Variants in SELP observed in about 807,000 individuals in gnomAD.
SELP encodes the protein P-selectin.
A neutral mutation model predicts 104.1 loss-of-function variants in SELP; 92 were observed. The ratio of observed to expected loss-of-function variants is 0.88; its 90% CI spans 0.75 to 1.05. SELP has a LOEUF of 1.05. Ranked by LOEUF, SELP falls within the 50% of genes least tolerant of loss-of-function variation. SELP has a pLI of 0.00. For missense variants in SELP, 1,022 were observed against 1,017.3 expected (o/e 1.00, Z -0.06); for synonymous variants, 397 against 364.5 (o/e 1.09, Z -1.01).
At chr1:169,613,806 A>G in intron 3 of SELP, 113 bp from the exon 4 acceptor site, 1 of 815,224 alleles carries the variant, frequency 1.2e-6, no homozygotes, top group African/African-American at 1.7e-5. Flanking sequence ...AGCTAGCCAG[A>G]CAAGAGGGAA....
chr1:169,599,793 G>A (rs925043554), intron 10 of SELP, among the ~76,000 whole-genome samples: 1 of 152,084 alleles, frequency 6.6e-6, no homozygotes, highest in Non-Finnish European at 1.5e-5. Context: ...AGTTTTAGGG[G>A]GCACCAGTTC....
chr1:169,613,344 T>C (rs13306841), intron 4 of SELP, among the ~76,000 whole-genome samples: 1 of 152,234 alleles, frequency 6.6e-6, no homozygotes, highest in East Asian at 1.9e-4. Context: ...AAAGTTCTGT[T>C]GGTTTTGCTT....
chr1:169,619,329 C>A, intron 1 of SELP, 110 bp from the exon 2 acceptor site: 1 of 796,872 alleles, frequency 1.3e-6, no homozygotes, highest in Non-Finnish European at 2.0e-6. Flanking sequence ...CCAATTTCCA[C>A]TGGAAGAGTG....
At chr1:169,602,179 A>C (rs1210376516) in intron 10 of SELP, among the ~76,000 whole-genome samples, 1 of 152,190 alleles carries the variant, frequency 6.6e-6, no homozygotes, top group Non-Finnish European at 1.5e-5. Flanking sequence ...TGTCACACAC[A>C]CCCATTTTTA....
At chr1:169,628,720 T>G (rs977519091) in intron 1 of SELP, among the ~76,000 whole-genome samples, 1 of 152,178 alleles carries the variant, frequency 6.6e-6, no homozygotes, top group African/African-American at 2.4e-5. Context: ...GTTCATACCT[T>G]TGAAATAGAG....
rs1661999501 is a variant in SELP, at chr1:169,603,173, T to C, written c.1558A>G (p.Thr520Ala). 1.2e-6 allele frequency: 2 copies of C among 1,613,954 alleles called. No individual in the cohort carries two copies. Among genetic ancestry groups the C allele is most frequent in the African/African-American group, 1.3e-5 (1 of 74,904 alleles). ...CCAAGAGGTTGAACACAGGTCATTGTTCCATTCTGAGGGCTTAGCAAAGGT... is the reference window on the plus strand; with the variant it reads ...CCAAGAGGTTGAACACAGGTCATTGCTCCATTCTGAGGGCTTAGCAAAGGT... ...CTPLLSPQNG[T>A]MTCVQPLGSS... The change falls in exon 10 of 17, where the codon ACA becomes GCA. Residue 520 changes from threonine (T) to alanine (A), a missense_variant. Physicochemically the swap from Thr to Ala is moderately conservative, Grantham distance 58 (BLOSUM62 0). Transcript: ENST00000263686.
chr1:169,594,782 G>A lies in SELP; in HGVS notation c.2197C>T (p.His733Tyr), dbSNP rs1661518129. The A allele has an allele frequency of 6.2e-7, 1 of 1,613,824 alleles. No individual in the cohort carries two copies. The highest frequency in any genetic ancestry group is 8.5e-7 in the Non-Finnish European group (1 of 1,179,822). The change falls in exon 13 of 17, where the codon CAT becomes TAT. Residue 733 changes from histidine (H) to tyrosine (Y), a missense_variant. By Grantham distance (83) the His-to-Tyr change is moderately conservative (BLOSUM62 2). Transcript: ENST00000263686. Reference protein sequence around the residue: ...NFSYGSICSFHCLEGQLLNGS... With the variant: ...NFSYGSICSFYCLEGQLLNGS... ...TTAAGTAACTGGCCCTCTAGACAAT[G>A]GAAAGAGCAGATTGATCCATAACTG...
intron 1 of SELP, among the ~76,000 whole-genome samples, chr1:169,628,859 T>C (rs1359458131): frequency 6.6e-6 from 1 of 152,196 alleles, no homozygotes; most frequent in Non-Finnish European, 1.5e-5. Context: ...GGTTCAAACT[T>C]AAGACAGGCT....
intron 1 of SELP, among the ~76,000 whole-genome samples, chr1:169,625,304 T>G (rs537336006): frequency 9.8e-5 from 15 of 152,374 alleles, no homozygotes; most frequent in Admixed American, 8.5e-4. Context: ...GAAACTTTTC[T>G]GAGTCTTCTT....
intron 3 of SELP, among the ~76,000 whole-genome samples, chr1:169,615,718 C>T (rs1420299733): frequency 6.6e-6 from 1 of 152,024 alleles, no homozygotes; most frequent in Non-Finnish European, 1.5e-5. Context: ...TATATAAATG[C>T]ATTATTTATA....
At chr1:169,618,199 A>G (rs1291546733) in intron 2 of SELP, among the ~76,000 whole-genome samples, 2 of 152,186 alleles carry the variant, frequency 1.3e-5, no homozygotes, top group Non-Finnish European at 2.9e-5. Flanking sequence ...GCCTTCAATA[A>G]ATACTTGTTG....
chr1:169,605,486 T>TG lies in SELP; in HGVS notation c.1519+1462dup, dbSNP rs1174461876. Among the ~76,000 whole-genome samples the TG allele has an allele frequency of 4.7e-5, 7 of 148,428 alleles. 1 individual carries two copies. The highest frequency in any genetic ancestry group is 4.1e-4 in the East Asian group (2 of 4,822). ...CTAGCTTAACAATGGGGTGTGTGTG[T>TG]GGGGGGTGTGTGTGTGTGTATGTGA... On this transcript the variant is annotated intron_variant, in intron 9 of 16. Coordinates refer to ENST00000263686, the MANE Select transcript of SELP (RefSeq NM_003005.4).
chr1:169,619,097 A>G, intron 2 of SELP, 32 bp downstream of exon 2: 1 of 1,541,600 alleles, frequency 6.5e-7, no homozygotes, highest in East Asian at 2.2e-5. Context: ...CTAATTACTT[A>G]GGCCTAAGTG....
At position 169,594,997 on chromosome 1, in the gene SELP, A is replaced by G. The variant is rs1441242200; in HGVS notation, c.2102-120T>C. 3 of 804,464 alleles carry G rather than the reference A, an allele frequency of 3.7e-6. No individual in the cohort carries two copies. The African/African-American group carries it at 5.3e-5, about 14-fold the overall frequency. 49.8% of individuals were successfully genotyped at this position (804,464 alleles called of 1,614,324 possible). On this transcript the variant is annotated intron_variant, in intron 12 of 16. Transcript: ENST00000263686. ...GGCAGAATGTAAAAGGTCAGAAAGG[A>G]TATGAGCCACTTCCAATATTCACAG...
At chr1:169,620,060 T>G (rs1011528892) in intron 1 of SELP, among the ~76,000 whole-genome samples, 4 of 151,568 alleles carry the variant, frequency 2.6e-5, no homozygotes, top group Non-Finnish European at 5.9e-5. Context: ...AAAAAAAAAT[T>G]AGACAGGTGT....
intron 1 of SELP, among the ~76,000 whole-genome samples, chr1:169,622,712 AG>A (rs1381028941): frequency 2.0e-5 from 3 of 152,248 alleles, no homozygotes; most frequent in Admixed American, 6.5e-5. Context: ...TTACAGTTGT[AG>A]AAAATTGAAA....
At chr1:169,622,105 C>T (rs1240960857) in intron 1 of SELP, among the ~76,000 whole-genome samples, 1 of 152,238 alleles carries the variant, frequency 6.6e-6, no homozygotes, top group South Asian at 2.1e-4. Flanking sequence ...ATACCTTTTA[C>T]TAATTTCTTA....
At position 169,607,132 on chromosome 1, in the gene SELP, A is replaced by T; in HGVS notation, c.1336T>A (p.Leu446Met). 1 of 1,591,878 alleles carries T rather than the reference A, an allele frequency of 6.3e-7. No homozygotes were observed. The highest frequency in any genetic ancestry group is 1.1e-5 in the South Asian group (1 of 90,304). ...WTAPAPVCQA[L>M]QCQDLPVPNE... Reference sequence around the variant, plus strand: ...GGAACTGGGAGATCCTGGCACTGCAAAGCTAAGGGATGAGGAAGTAAGGAA... The same window carrying T: ...GGAACTGGGAGATCCTGGCACTGCATAGCTAAGGGATGAGGAAGTAAGGAA... Residue 446 changes from leucine to methionine, a missense_variant and splice_region_variant, in exon 9 of 17, where the codon TTG becomes ATG. Physicochemically the swap from Leu to Met is conservative, Grantham distance 15. Transcript: ENST00000263686.
Position 169,607,151 on chromosome 1 carries a change from T to C in SELP, c.1334-17A>G. On this transcript the variant is annotated splice_polypyrimidine_tract_variant and intron_variant, in intron 8 of 16. Coordinates refer to ENST00000263686, the MANE Select transcript of SELP (RefSeq NM_003005.4). ...ACTGCAAAGCTAAGGGATGAGGAAG[T>C]AAGGAATAAAGAAACAGTAATACAC... The C allele has an allele frequency of 6.3e-7, 1 of 1,579,278 alleles. No individual in the cohort carries two copies. Among genetic ancestry groups the C allele is most frequent in the Non-Finnish European group, 8.6e-7 (1 of 1,156,340 alleles).
Sources: allele counts gnomAD v4.1 joint callset (sites outside exome capture counted in the v4.1 genomes callset), GRCh38; gene constraint gnomAD v4.1.1; transcripts MANE v1.5; gene names NCBI Gene and HGNC (gene_info 2026-07-23, HGNC 2026-07-21).